MAP3K20: variants seen among roughly 807,000 people sequenced by gnomAD.
The protein encoded by MAP3K20 is mitogen-activated protein kinase kinase kinase 20, also known as HCCS-4.
A neutral mutation model predicts 85.7 loss-of-function variants in MAP3K20; 40 were observed. That is an observed-to-expected ratio of 0.47 (90% CI 0.36 to 0.61). The LOEUF (loss-of-function observed/expected upper bound fraction) is 0.61. MAP3K20 is among the 20% of genes least tolerant of loss of function. The pLI, the probability that MAP3K20 is intolerant of heterozygous loss-of-function variation, is 0.00. For missense variants in MAP3K20, 817 were observed against 961.7 expected, an observed-to-expected ratio of 0.85 and a Z score of 1.99; for synonymous variants, 325 against 327.7, an observed-to-expected ratio of 0.99 and a Z score of 0.09.
chr2:173,126,847 G>C (rs559188592), intron 2 of MAP3K20, among the ~76,000 whole-genome samples: 10 of 152,282 alleles, frequency 6.6e-5, no homozygotes, highest in African/African-American at 2.4e-4. Context: ...GCATCCACAC[G>C]TTTAACTCTG....
At chr2:173,243,773 G>A (rs778100791) in intron 16 of MAP3K20, among the ~76,000 whole-genome samples, 14 of 152,000 alleles carry the variant, frequency 9.2e-5, no homozygotes, top group African/African-American at 2.4e-4. Flanking sequence ...ACAGGCTCCC[G>A]CCACCACGCC....
At chr2:173,170,202 A>C (rs968157840) in intron 3 of MAP3K20, among the ~76,000 whole-genome samples, 1 of 152,218 alleles carries the variant, frequency 6.6e-6, no homozygotes, top group Admixed American at 6.5e-5. Flanking sequence ...GAAATGAAAC[A>C]TGTTTTTTGT....
chr2:173,099,646 G>A (rs571045168), intron 2 of MAP3K20, among the ~76,000 whole-genome samples: 61 of 152,112 alleles, frequency 4.0e-4, no homozygotes, highest in African/African-American at 1.4e-3. Context: ...CCATTCTTCA[G>A]CTGTAATTAT....
chr2:173,121,508 T>TC (rs568113589), intron 2 of MAP3K20, among the ~76,000 whole-genome samples: 1,826 of 152,148 alleles, frequency 0.012, 23 homozygotes, highest in Middle Eastern at 0.024. Flanking sequence ...TGCCTCAGCC[T>TC]CCCAAGTAGC....
At chr2:173,243,934 C>T (rs1194235510) in intron 16 of MAP3K20, among the ~76,000 whole-genome samples, 1 of 152,124 alleles carries the variant, frequency 6.6e-6, no homozygotes. Flanking sequence ...CCCAGATTTA[C>T]GTTTTTAACA....
chr2:173,212,338 T>G (rs1484711503), intron 10 of MAP3K20: 1 of 152,136 alleles, frequency 6.6e-6, no homozygotes, highest in African/African-American at 2.4e-5. Flanking sequence ...GCATTTCTAT[T>G]TTGACAAGTA....
At chr2:173,250,170 T>G (rs763623698) in intron 16 of MAP3K20, among the ~76,000 whole-genome samples, 1 of 152,260 alleles carries the variant, frequency 6.6e-6, no homozygotes, top group Non-Finnish European at 1.5e-5. Context: ...CCAACTACTC[T>G]AAGCTTGTTT....
intron 1 of MAP3K20, among the ~76,000 whole-genome samples, chr2:173,081,966 A>G (rs1297464966): frequency 2.0e-5 from 3 of 151,834 alleles, no homozygotes; most frequent in African/African-American, 4.8e-5. Context: ...TGGGTCACTC[A>G]CTACTAAAGA....
chr2:173,189,651 C>A (rs184622760), intron 5 of MAP3K20, among the ~76,000 whole-genome samples: 84 of 152,260 alleles, frequency 5.5e-4, no homozygotes, highest in Admixed American at 4.1e-3. Context: ...AAAATCATCC[C>A]TGCATTTCTT....
chr2:173,146,651 T>C (rs769062239), intron 2 of MAP3K20, among the ~76,000 whole-genome samples: 3 of 152,226 alleles, frequency 2.0e-5, no homozygotes, highest in Non-Finnish European at 4.4e-5. Context: ...ATAAATAGAA[T>C]TTAAAACCAT....
At chr2:173,254,893 G>T (rs1292010742) in intron 16 of MAP3K20, among the ~76,000 whole-genome samples, 2 of 152,186 alleles carry the variant, frequency 1.3e-5, no homozygotes, top group Non-Finnish European at 2.9e-5. Flanking sequence ...GTTAGGTCAG[G>T]CCATTGTCAA....
At position 173,097,431 on chromosome 2, in the gene MAP3K20, T is replaced by G. The variant is rs538635141; in HGVS notation, c.159+6241T>G. Among the ~76,000 whole-genome samples the G allele has an allele frequency of 8.3e-4, 126 of 152,280 alleles. 1 individual carries two copies. Among genetic ancestry groups the G allele is most frequent in the African/African-American group, 3.0e-3 (124 of 41,566 alleles). Reference sequence around the variant, plus strand: ...TTGTACTCTTGTGTATATTTGATAATAAATTGAACAAGATATGTCTGTACA... The same window carrying G: ...TTGTACTCTTGTGTATATTTGATAAGAAATTGAACAAGATATGTCTGTACA... On this transcript the variant is annotated intron_variant, in intron 2 of 19. Coordinates refer to ENST00000375213, the MANE Select transcript of MAP3K20 (RefSeq NM_016653.3).
At chr2:173,225,172 A>G in intron 11 of MAP3K20, 1 of 983,274 alleles carries the variant, frequency 1.0e-6, no homozygotes, top group Non-Finnish European at 1.2e-6. Flanking sequence ...CTGTCACCGA[A>G]TGGTGTTTGA....
Position 173,266,363 on chromosome 2 carries a change from A to G in MAP3K20, c.2016A>G (p.Arg672=). The change falls in exon 20 of 20, where the codon CGA becomes CGG. Residue 672 remains arginine, a synonymous_variant. Transcript: ENST00000375213. ...CTGACACCTCTTCAGAGAGGGGTCG[A>G]TACTCAGACAGAAGCAGGAACAAAT... The part of the protein sequence containing the change: ...GNTDTSSERG[R]YSDRSRNKYG... The G allele has an allele frequency of 1.2e-6, 2 of 1,614,160 alleles. No homozygotes were observed. Among genetic ancestry groups the G allele is most frequent in the Non-Finnish European group, 8.5e-7 (1 of 1,180,020 alleles).
At chr2:173,081,189 A>ATTT (rs55900314) in intron 1 of MAP3K20, among the ~76,000 whole-genome samples, 10 of 140,886 alleles carry the variant, frequency 7.1e-5, no homozygotes, top group East Asian at 6.1e-4. Flanking sequence ...AAAAAGACAA[A>ATTT]TTTTTTTTTT....
At chr2:173,242,060 G>A (rs1330614019) in intron 16 of MAP3K20, among the ~76,000 whole-genome samples, 1 of 152,054 alleles carries the variant, frequency 6.6e-6, no homozygotes, top group African/African-American at 2.4e-5. Flanking sequence ...TTGATTCCAT[G>A]ACATTGAATT....
rs1179182171 is a variant in MAP3K20, at chr2:173,115,888, T to G, written c.159+24698T>G. ...GCTTTGCTTCTTATTAGTATTAATT[T>G]TGGCCCAGTTCTGCAGGCTTAACCA... is the stretch of plus-strand genomic sequence containing the variant. On this transcript the variant is annotated intron_variant, in intron 2 of 19. Coordinates refer to ENST00000375213, the MANE Select transcript of MAP3K20 (RefSeq NM_016653.3). Among the ~76,000 whole-genome samples, 5 of 152,110 alleles carry G rather than the reference T, an allele frequency of 3.3e-5. No homozygotes were observed. The East Asian group carries it at 9.6e-4, about 29-fold the overall frequency.
At chr2:173,075,714 G>A (rs2106126803), upstream of MAP3K20, 1 of 985,018 alleles carries the variant, frequency 1.0e-6, no homozygotes, top group Non-Finnish European at 1.2e-6. Context: ...CGGGGCGGAT[G>A]GTGCCCCCCG....
chr2:173,164,012 T>G (rs948700057), intron 2 of MAP3K20, among the ~76,000 whole-genome samples: 16 of 151,674 alleles, frequency 1.1e-4, no homozygotes, highest in Non-Finnish European at 2.2e-4. Flanking sequence ...GAGGCTGGAG[T>G]GCAGTGGTGC....
Sources: gnomAD v4.1 joint callset for allele counts (sites outside exome capture counted in the v4.1 genomes callset) on GRCh38, gnomAD v4.1.1 for gene constraint, MANE v1.5 for transcripts, NCBI Gene and HGNC (gene_info 2026-07-23, HGNC 2026-07-21) for gene names.